CLTCL1: variants seen among roughly 807,000 people sequenced by gnomAD.
CLTCL1 encodes clathrin heavy chain 2.
In CLTCL1, 159 loss-of-function variants were observed where a neutral mutation model predicts 190.0. The ratio of observed to expected loss-of-function variants is 0.84; its 90% confidence interval spans 0.74 to 0.95. The LOEUF is 0.95. Among genes scored for constraint, CLTCL1 ranks in the 40% least tolerant of loss-of-function variants. CLTCL1 has a pLI of 0.00. For synonymous variants in CLTCL1, 752 were observed against 769.6 expected, an observed-to-expected ratio of 0.98 and a Z score of 0.38; for missense variants, 1,878 against 2,033.4, an observed-to-expected ratio of 0.92 and a Z score of 1.47.
intron 22 of CLTCL1, among the ~76,000 whole-genome samples, chr22:19,205,969 C>T (rs2085037913): frequency 6.6e-6 from 1 of 151,886 alleles, no homozygotes; most frequent in Admixed American, 6.6e-5. Context: ...CTCCGTCACC[C>T]AGGTTGGAGT....
At chr22:19,239,701 G>C (rs1471351601) in intron 4 of CLTCL1, among the ~76,000 whole-genome samples, 1 of 152,182 alleles carries the variant, frequency 6.6e-6, no homozygotes, top group East Asian at 1.9e-4. Context: ...GTCAGAATCT[G>C]CTGTCCCTTC....
chr22:19,265,715 C>A (rs1304711483), intron 2 of CLTCL1, among the ~76,000 whole-genome samples: 1 of 151,956 alleles, frequency 6.6e-6, no homozygotes, highest in African/African-American at 2.4e-5. Flanking sequence ...CATACATACA[C>A]AAAATAGTAA....
At chr22:19,193,737 C>T (rs1555933847) in intron 26 of CLTCL1, among the ~76,000 whole-genome samples, 1 of 152,228 alleles carries the variant, frequency 6.6e-6, no homozygotes, top group African/African-American at 2.4e-5. Context: ...AGTGTTACAG[C>T]TCTTAAAGAT....
Position 19,275,720 on chromosome 22 carries a change from C to T in CLTCL1, c.153G>A (p.Thr51=), listed in dbSNP as rs782237797. 6.2e-6 allele frequency: 10 copies of T among 1,607,378 alleles called. No homozygotes were observed. Among genetic ancestry groups the T allele is most frequent in the Admixed American group, 3.4e-5 (2 of 58,956 alleles). Residue 51 remains threonine (T), a synonymous_variant, in exon 2 of 33, where the codon ACG becomes ACA. Transcript: ENST00000427926. The part of the protein sequence containing the change: ...REKVGEQAQV[T]IIDMSDPMAP... The stretch of plus-strand genomic sequence containing the variant: ...CCATTGGGTCACTCATGTCAATGAT[C>T]GTGACCTGTGCCTGCTCACCAACTT...
At chr22:19,232,271 G>A (rs567963609) in intron 10 of CLTCL1, among the ~76,000 whole-genome samples, 356 of 152,174 alleles carry the variant, frequency 2.3e-3, no homozygotes, top group Admixed American at 4.3e-3. Flanking sequence ...ATTCTCTAAA[G>A]TACTTCAAAA....
chr22:19,242,165 A>G (rs111507913), intron 4 of CLTCL1, among the ~76,000 whole-genome samples: 6,015 of 149,220 alleles, frequency 0.04, 125 homozygotes, highest in African/African-American at 0.065. Flanking sequence ...CTGGTGTAGA[A>G]CTCCTGAGCT....
intron 3 of CLTCL1, among the ~76,000 whole-genome samples, chr22:19,250,717 C>T (rs577376311): frequency 6.6e-6 from 1 of 152,030 alleles, no homozygotes; most frequent in South Asian, 2.1e-4. Context: ...TCATGCCTGG[C>T]TAGTTTTTGC....
chr22:19,291,699 T>C lies in CLTCL1; in HGVS notation c.-58A>G. On this transcript the variant is annotated 5_prime_UTR_variant, in exon 1 of 33. Coordinates refer to ENST00000427926, the MANE Select transcript of CLTCL1 (RefSeq NM_007098.4). ...AGCGGCAGGAATGAACGCCGACCCC[T>C]CGCGCGGGCTGACCGGTGGCGACGG... 1 of 1,309,068 alleles carries C rather than the reference T, an allele frequency of 7.6e-7. No homozygotes were observed. Among genetic ancestry groups the C allele is most frequent in the South Asian group, 2.1e-5 (1 of 47,030 alleles). 81.1% of individuals were successfully genotyped at this position (1,309,068 alleles called of 1,614,324 possible). A position where few individuals can be genotyped will look rare whatever the true frequency, so the allele number is the denominator to read the frequency against.
intron 5 of CLTCL1, among the ~76,000 whole-genome samples, chr22:19,237,674 C>T (rs551836651): frequency 6.6e-6 from 1 of 152,216 alleles, no homozygotes; most frequent in East Asian, 1.9e-4. Flanking sequence ...GTAGCAAATC[C>T]ACAGAACAGA....
At chr22:19,192,180 C>G (rs2084531942) in intron 26 of CLTCL1, among the ~76,000 whole-genome samples, 1 of 151,882 alleles carries the variant, frequency 6.6e-6, no homozygotes. Flanking sequence ...ATTCTCCTGC[C>G]TCAGCCTCCT....
intron 2 of CLTCL1, among the ~76,000 whole-genome samples, chr22:19,269,793 C>T (rs781986977): frequency 6.6e-6 from 1 of 151,758 alleles, no homozygotes; most frequent in Non-Finnish European, 1.5e-5. Flanking sequence ...GAGTGGGGGG[C>T]GAAGAGAGAG....
At chr22:19,204,180 G>T (rs1315021783) in intron 22 of CLTCL1, among the ~76,000 whole-genome samples, 1 of 152,064 alleles carries the variant, frequency 6.6e-6, no homozygotes, top group Non-Finnish European at 1.5e-5. Flanking sequence ...GTCCAGTCTC[G>T]CCCAGAGCAG....
intron 27 of CLTCL1, among the ~76,000 whole-genome samples, chr22:19,190,966 C>A (rs1218820931): frequency 6.6e-6 from 1 of 151,908 alleles, no homozygotes; most frequent in Non-Finnish European, 1.5e-5. Context: ...TTAGTAGAGA[C>A]GGGGTTTCAC....
chr22:19,291,547 G>A (rs527687806), intron 1 of CLTCL1, 53 bp downstream of exon 1: 1 of 1,312,468 alleles, frequency 7.6e-7, no homozygotes, highest in South Asian at 2.1e-5. Context: ...CTGGCAGTCC[G>A]GCCCGGCGGA....
intron 2 of CLTCL1, among the ~76,000 whole-genome samples, chr22:19,260,024 G>A (rs1354176765): frequency 1.3e-5 from 2 of 152,232 alleles, no homozygotes; most frequent in African/African-American, 4.8e-5. Context: ...CAAAGTTGTA[G>A]TGGCCTGGAT....
intron 10 of CLTCL1, among the ~76,000 whole-genome samples, chr22:19,231,249 AG>A (rs1555959006): frequency 6.6e-6 from 1 of 152,218 alleles, no homozygotes; most frequent in East Asian, 1.9e-4. Flanking sequence ...TATCTGAGAT[AG>A]GGTCTCACTC....
chr22:19,212,397 CA>C (rs548435992), intron 19 of CLTCL1, among the ~76,000 whole-genome samples: 16,470 of 102,234 alleles, frequency 0.16, 1,125 homozygotes, highest in African/African-American at 0.25. Context: ...CTGTCTCTAC[CA>C]AAAAAAAAAA....
chr22:19,272,081 C>G lies in CLTCL1; in HGVS notation c.250+3542G>C, dbSNP rs140804331. Among the ~76,000 whole-genome samples the G allele has an allele frequency of 9.3e-3, 1,420 of 152,240 alleles. 32 individuals carry two copies. The highest frequency in any genetic ancestry group is 0.066 in the East Asian group (340 of 5,174). On this transcript the variant is annotated intron_variant, in intron 2 of 32. Coordinates refer to ENST00000427926, the MANE Select transcript of CLTCL1 (RefSeq NM_007098.4). Reference sequence around the variant, plus strand: ...CCATGATCACATCACTGCATTCCTGCCTGGATGACAGAGAGAGACCTGATC... The same window carrying G: ...CCATGATCACATCACTGCATTCCTGGCTGGATGACAGAGAGAGACCTGATC...
At chr22:19,190,596 C>CAAAAAAAAAAAAAAAAAAAAAAAA (rs55780206) in intron 27 of CLTCL1, among the ~76,000 whole-genome samples, 1 of 72,816 alleles carries the variant, frequency 1.4e-5, no homozygotes, top group African/African-American at 5.5e-5. Context: ...AAGACTGTCT[C>CAAAAAAAAAAAAAAAAAAAAAAAA]AAAAAAAAAA....
Sources: gnomAD v4.1 joint callset for allele counts (sites outside exome capture counted in the v4.1 genomes callset) on GRCh38, gnomAD v4.1.1 for gene constraint, MANE v1.5 for transcripts, NCBI Gene and HGNC (gene_info 2026-07-23, HGNC 2026-07-21) for gene names.